The following RELN variants were observed in gnomAD, a reference collection of about 807,000 sequenced individuals.
RELN encodes the protein reelin.
A neutral mutation model predicts 427.6 loss-of-function variants in RELN; 108 were observed. That is an observed-to-expected ratio of 0.25 (90% CI 0.22 to 0.30). The LOEUF (loss-of-function observed/expected upper bound fraction) is 0.30, where lower values mean the gene tolerates loss of function less well. RELN is among the 10% of genes least tolerant of loss of function. The pLI is 1.00. For missense variants in RELN, 3,715 were observed against 4,302.8 expected (o/e 0.86, Z 3.82); for synonymous variants, 1,524 against 1,513.4 (o/e 1.01, Z -0.16).
At chr7:103,631,834 T>A (rs1832474704) in intron 19 of RELN, among the ~76,000 whole-genome samples, 1 of 152,040 alleles carries the variant, frequency 6.6e-6, no homozygotes, top group Non-Finnish European at 1.5e-5. Context: ...TTAAACTGGT[T>A]TAACAATGAA....
chr7:103,905,032 G>C (rs1346375551), intron 2 of RELN, among the ~76,000 whole-genome samples: 2 of 128,814 alleles, frequency 1.6e-5, no homozygotes, highest in African/African-American at 5.8e-5. Flanking sequence ...CCAGGCTGAA[G>C]TGCAGTGGTG....
chr7:103,586,552 A>C (rs1318257840), intron 28 of RELN, among the ~76,000 whole-genome samples: 2 of 152,150 alleles, frequency 1.3e-5, no homozygotes, highest in African/African-American at 2.4e-5. Context: ...AAGCAAGAGA[A>C]AGAAATAAAA....
chr7:103,666,217 C>G (rs940223207), intron 11 of RELN, among the ~76,000 whole-genome samples: 3 of 151,960 alleles, frequency 2.0e-5, no homozygotes, highest in African/African-American at 7.3e-5. Context: ...TACAAGGAGG[C>G]ACCACCATGC....
At chr7:103,821,711 ATATTTACTTAGGT>A (rs1386637016) in intron 3 of RELN, among the ~76,000 whole-genome samples, 1 of 152,138 alleles carries the variant, frequency 6.6e-6, no homozygotes, top group Non-Finnish European at 1.5e-5. Context: ...CACTTTCAAT[ATATTTACTTAGGT>A]TAAAACCAGG....
chr7:103,499,768 A>T (rs958775608), intron 53 of RELN, among the ~76,000 whole-genome samples: 22 of 152,216 alleles, frequency 1.4e-4, no homozygotes, highest in Non-Finnish European at 3.1e-4. Flanking sequence ...GAAGATTTTA[A>T]TCAGGGTTTA....
intron 3 of RELN, among the ~76,000 whole-genome samples, chr7:103,827,083 A>G (rs1793161223): frequency 6.6e-6 from 1 of 151,988 alleles, no homozygotes; most frequent in Admixed American, 6.6e-5. Flanking sequence ...AGATTAAAAA[A>G]AGGAAGAAGA....
At chr7:103,489,037 T>C (rs7801489) in intron 60 of RELN, among the ~76,000 whole-genome samples, 4,041 of 152,310 alleles carry the variant, frequency 0.027, 62 homozygotes, top group African/African-American at 0.047. Context: ...GGCTGAAACC[T>C]GTTAGAAACA....
At position 103,934,423 on chromosome 7, in the gene RELN, C is replaced by T. The variant is rs117059816; in HGVS notation, c.227-17238G>A. Among the ~76,000 whole-genome samples the T allele has an allele frequency of 2.7e-3, 415 of 152,222 alleles. 2 individuals carry two copies. In the East Asian group the frequency reaches 0.03, roughly 11 times the overall value. ...TTACAGCTTAAGCCATAGCCAGAAACCCAAATCCTATTTTTCAATACTTAT... is the reference window on the plus strand; with the variant it reads ...TTACAGCTTAAGCCATAGCCAGAAATCCAAATCCTATTTTTCAATACTTAT... On this transcript the variant is annotated intron_variant, in intron 1 of 64. Transcript: ENST00000428762.
At position 103,511,937 on chromosome 7, in the gene RELN, C is replaced by T. The variant is rs117752843; in HGVS notation, c.8120-932G>A. ...TATCACCACAAGCAGGGCACCAAAT[C>T]GATCCATCACTTCCAAAAATTTCCT... On this transcript the variant is annotated intron_variant, in intron 50 of 64. Transcript: ENST00000428762. 3.9e-3 allele frequency among the ~76,000 whole-genome samples: 600 copies of T among 152,282 alleles called. 2 individuals are homozygous for T. Among genetic ancestry groups the T allele is most frequent in the Non-Finnish European group, 5.8e-3 (395 of 68,040 alleles).
At chr7:103,622,608 A>G (rs1170500522) in intron 20 of RELN, among the ~76,000 whole-genome samples, 2 of 152,180 alleles carry the variant, frequency 1.3e-5, no homozygotes, top group Non-Finnish European at 2.9e-5. Flanking sequence ...GCCTCAGGGT[A>G]TCTGCCTTGC....
At position 103,498,799 on chromosome 7, in the gene RELN, A is replaced by G. The variant is rs145509476; in HGVS notation, c.8668-547T>C. 7.0e-4 allele frequency among the ~76,000 whole-genome samples: 103 copies of G among 147,888 alleles called. 2 individuals are homozygous for G. In the East Asian group the frequency reaches 0.016, roughly 23 times the overall value. On this transcript the variant is annotated intron_variant, in intron 53 of 64. Transcript: ENST00000428762. ...GAGCCACCATGCCTGGCCATATTAT[A>G]GTAACACTTCTATTTGTAAAAAGTT...
intron 7 of RELN, among the ~76,000 whole-genome samples, chr7:103,725,158 T>A (rs1790174201): frequency 6.6e-6 from 1 of 152,192 alleles, no homozygotes; most frequent in Non-Finnish European, 1.5e-5. Flanking sequence ...TCAAAGCTGT[T>A]CATTCTGTAC....
Position 103,577,797 on chromosome 7 carries a change from A to C in RELN, c.4146-2092T>G, listed in dbSNP as rs75054618. On this transcript the variant is annotated intron_variant, in intron 28 of 64. Coordinates refer to ENST00000428762, the MANE Select transcript of RELN (RefSeq NM_005045.4). ...AATGAGGAAAACATGCCAATTCCCT[A>C]ATACAAGTCCTCTTGGATTAGAAGT... is the stretch of plus-strand genomic sequence containing the variant. Among the ~76,000 whole-genome samples, 1,867 of 152,334 alleles carry C rather than the reference A, an allele frequency of 0.012. 76 individuals are homozygous for C. The East Asian group carries it at 0.15, about 13-fold the overall frequency.
intron 1 of RELN, among the ~76,000 whole-genome samples, chr7:103,933,616 T>C (rs80203266): frequency 0.022 from 3,310 of 152,110 alleles, 119 homozygotes; most frequent in African/African-American, 0.076. Context: ...CAAGCAGAAC[T>C]GTGCACAAGC....
At chr7:103,704,800 T>A (rs915605819) in intron 8 of RELN, among the ~76,000 whole-genome samples, 1 of 152,188 alleles carries the variant, frequency 6.6e-6, no homozygotes, top group Non-Finnish European at 1.5e-5. Context: ...TTGCCTCCAC[T>A]TTCTCACAAT....
chr7:103,774,441 G>C lies in RELN; in HGVS notation c.544+2116C>G, dbSNP rs1791686540. ...AGCAAGCAATACAGTCTTGTCATAA[G>C]AGATATCCTCAGGATCCACAGAAAA... On this transcript the variant is annotated intron_variant, in intron 4 of 64. Coordinates refer to ENST00000428762, the MANE Select transcript of RELN (RefSeq NM_005045.4). Among the ~76,000 whole-genome samples the C allele has an allele frequency of 2.6e-5, 4 of 151,922 alleles. No homozygotes were observed. The South Asian group carries it at 8.3e-4, about 32-fold the overall frequency.
chr7:103,718,562 C>A (rs905461609), intron 8 of RELN, among the ~76,000 whole-genome samples: 1 of 152,114 alleles, frequency 6.6e-6, no homozygotes, highest in Non-Finnish European at 1.5e-5. Flanking sequence ...TCTGGGTAAT[C>A]ATTTCCATTG....
chr7:103,728,155 C>T lies in RELN; in HGVS notation c.709G>A (p.Gly237Ser). 1 of 1,613,844 alleles carries T rather than the reference C, an allele frequency of 6.2e-7. No homozygotes were observed. Among genetic ancestry groups the T allele is most frequent in the Non-Finnish European group, 8.5e-7 (1 of 1,179,896 alleles). Reference sequence around the variant, plus strand: ...GGTTCACAGAAGGTGACGGCATTGCCATGCATAATCGCGCCACACTGTTCT... The same window carrying T: ...GGTTCACAGAAGGTGACGGCATTGCTATGCATAATCGCGCCACACTGTTCT... ...TGEQCGAIMH[G>S]NAVTFCEPYG... Residue 237 changes from glycine to serine, a missense_variant, in exon 7 of 65, where the codon GGC (glycine) becomes AGC (serine). Coordinates refer to ENST00000428762, the MANE Select transcript of RELN (RefSeq NM_005045.4).
intron 3 of RELN, among the ~76,000 whole-genome samples, chr7:103,797,309 T>C (rs1410487606): frequency 6.6e-6 from 1 of 152,182 alleles, no homozygotes; most frequent in East Asian, 1.9e-4. Flanking sequence ...TTTCACCATG[T>C]TGGCTAGGCG....
Sources: allele counts gnomAD v4.1 joint callset (sites outside exome capture counted in the v4.1 genomes callset), GRCh38; gene constraint gnomAD v4.1.1; transcripts MANE v1.5; gene names NCBI Gene and HGNC (gene_info 2026-07-23, HGNC 2026-07-21).